The following STK32C variants were observed in gnomAD, a reference collection of about 807,000 sequenced individuals.
The protein encoded by STK32C is serine/threonine-protein kinase 32C.
STK32C carries 31 observed loss-of-function variants against 56.5 expected under a neutral mutation model. The ratio of observed to expected loss-of-function variants is 0.55; its 90% CI spans 0.41 to 0.74. The LOEUF (loss-of-function observed/expected upper bound fraction) is 0.74, where lower values mean the gene tolerates loss of function less well. STK32C is among the 30% of genes least tolerant of loss of function. The pLI, the probability that STK32C is intolerant of heterozygous loss-of-function variation, is 0.00. For missense variants in STK32C, 544 were observed against 676.9 expected (o/e 0.80, Z 2.18); for synonymous variants, 309 against 289.4 (o/e 1.07, Z -0.69).
At chr10:132,242,732 C>T (rs1378403386) in intron 2 of STK32C, among the ~76,000 whole-genome samples, 4 of 152,222 alleles carry the variant, frequency 2.6e-5, no homozygotes, top group African/African-American at 7.2e-5. Flanking sequence ...CTTTTTCCCC[C>T]ACGATGCCCT....
intron 2 of STK32C, among the ~76,000 whole-genome samples, chr10:132,229,171 A>G (rs1290381220): frequency 6.6e-6 from 1 of 152,230 alleles, no homozygotes; most frequent in East Asian, 1.9e-4. Context: ...CCCCTGTCTG[A>G]CACTCAGGTT....
chr10:132,260,781 G>A (rs192488692), intron 1 of STK32C, among the ~76,000 whole-genome samples: 7 of 152,368 alleles, frequency 4.6e-5, no homozygotes, highest in Non-Finnish European at 1.0e-4. Flanking sequence ...GGGGCAGGGA[G>A]AGGGGCGAGA....
chr10:132,267,654 CATGT>C (rs1271980356), intron 1 of STK32C, among the ~76,000 whole-genome samples: 5 of 130,640 alleles, frequency 3.8e-5, no homozygotes, highest in African/African-American at 1.6e-4. Context: ...TGTCCCACAT[CATGT>C]GTGTGTGTGT....
At chr10:132,209,888 G>A (rs2062236210) in intron 10 of STK32C, among the ~76,000 whole-genome samples, 1 of 152,202 alleles carries the variant, frequency 6.6e-6, no homozygotes. Flanking sequence ...TGCAGCTGAG[G>A]CCAGAGGATG....
At chr10:132,266,629 A>C (rs1017846264) in intron 1 of STK32C, among the ~76,000 whole-genome samples, 2 of 152,050 alleles carry the variant, frequency 1.3e-5, no homozygotes, top group African/African-American at 2.4e-5. Flanking sequence ...AGGAGCCCTC[A>C]ATTTGTCTCC....
At chr10:132,308,521 C>G (rs1054941999), upstream of STK32C, among the ~76,000 whole-genome samples, 2 of 139,764 alleles carry the variant, frequency 1.4e-5, no homozygotes, top group Non-Finnish European at 3.1e-5. Context: ...GGGCAGAGCC[C>G]GGCTCACGGT....
At position 132,226,778 on chromosome 10, in the gene STK32C, G is replaced by A. The variant is rs192537367; in HGVS notation, c.644+17C>T. 3.3e-4 allele frequency: 523 copies of A among 1,608,120 alleles called. 2 individuals carry two copies. Among genetic ancestry groups the A allele is most frequent in the Middle Eastern group, 9.9e-4 (6 of 6,048 alleles). ...GCCCACCTCAGCAGGTACCTGCGCC[G>A]TCTGCCACGCACACACCTGTGGATG... On this transcript the variant is annotated intron_variant, in intron 4 of 11. Coordinates refer to ENST00000298630, the MANE Select transcript of STK32C (RefSeq NM_173575.4).
chr10:132,245,839 C>G, intron 2 of STK32C, 61 bp downstream of exon 2: 1 of 1,535,040 alleles, frequency 6.5e-7, no homozygotes. Flanking sequence ...GACAGCATGT[C>G]CGACTCCACG....
At chr10:132,223,543 A>G (rs1188851585) in intron 8 of STK32C, among the ~76,000 whole-genome samples, 1 of 152,218 alleles carries the variant, frequency 6.6e-6, no homozygotes, top group African/African-American at 2.4e-5. Context: ...GTCCCCACGC[A>G]GGCCCTCTCT....
At chr10:132,299,955 A>G (rs1430812879) in intron 1 of STK32C, among the ~76,000 whole-genome samples, 2 of 152,246 alleles carry the variant, frequency 1.3e-5, no homozygotes, top group Admixed American at 6.5e-5. Flanking sequence ...GCAGAGGTGC[A>G]TGGAGTAGGC....
Position 132,225,636 on chromosome 10 carries a change from G to T in STK32C, c.683-20C>A. 1 of 1,608,750 alleles carries T rather than the reference G, an allele frequency of 6.2e-7. No homozygotes were observed. The highest frequency in any genetic ancestry group is 8.5e-7 in the Non-Finnish European group (1 of 1,176,170). ...CATGTCCTGTGCAGAGAGGGGTCAG[G>T]TGTGGCTGTCCCAGGACCAGAGATG... On this transcript the variant is annotated intron_variant, in intron 5 of 11. Transcript: ENST00000298630.
At chr10:132,224,364 G>T in intron 8 of STK32C, 43 bp downstream of exon 8, 2 of 1,420,238 alleles carry the variant, frequency 1.4e-6, no homozygotes, top group Non-Finnish European at 9.7e-7. Flanking sequence ...AGGGAGGGAG[G>T]TGGGTGCTCG....
At chr10:132,320,380 G>A (rs556051332), downstream of STK32C, among the ~76,000 whole-genome samples, 21 of 152,224 alleles carry the variant, frequency 1.4e-4, no homozygotes, top group African/African-American at 4.3e-4. Context: ...CGGTGACTGT[G>A]GGTTTTAAAG....
chr10:132,249,019 G>T, intron 1 of STK32C: 1 of 467,982 alleles, frequency 2.1e-6, no homozygotes, highest in Non-Finnish European at 4.3e-6. Context: ...GGTCACCTGC[G>T]CCCTGCACAC....
intron 2 of STK32C, 177 bp from the exon 3 acceptor site, chr10:132,228,305 T>C (rs916158790): frequency 3.2e-5 from 22 of 693,484 alleles, no homozygotes; most frequent in African/African-American, 2.6e-4. Context: ...CTCTGCCACA[T>C]ATGGTAACAT....
chr10:132,291,173 G>A (rs1332534659), intron 1 of STK32C, among the ~76,000 whole-genome samples: 1 of 152,194 alleles, frequency 6.6e-6, no homozygotes, highest in Non-Finnish European at 1.5e-5. Flanking sequence ...CAATTAGCTC[G>A]GCGGTGGCTG....
chr10:132,263,324 C>T (rs377686969), intron 1 of STK32C, among the ~76,000 whole-genome samples: 2 of 152,086 alleles, frequency 1.3e-5, no homozygotes, highest in Non-Finnish European at 1.5e-5. Flanking sequence ...TAATCCTAAG[C>T]GACTTAATGC....
At chr10:132,246,326 CCAGA>C (rs2063689848) in intron 1 of STK32C, among the ~76,000 whole-genome samples, 1 of 152,248 alleles carries the variant, frequency 6.6e-6, no homozygotes, top group Non-Finnish European at 1.5e-5. Flanking sequence ...GTGAAGACCC[CCAGA>C]CAGGCAGGCC....
chr10:132,235,961 G>A (rs1008856076), intron 2 of STK32C, among the ~76,000 whole-genome samples: 2 of 152,198 alleles, frequency 1.3e-5, no homozygotes, highest in South Asian at 2.1e-4. Flanking sequence ...AATTCATGTC[G>A]GATACCGAGG....
Sources: gnomAD v4.1 joint callset for allele counts (sites outside exome capture counted in the v4.1 genomes callset) on GRCh38, gnomAD v4.1.1 for gene constraint, MANE v1.5 for transcripts, NCBI Gene and HGNC (gene_info 2026-07-23, HGNC 2026-07-21) for gene names.